The following NFYC variants were observed in gnomAD, a reference collection of about 807,000 sequenced individuals.
NFYC encodes nuclear transcription factor Y subunit gamma.
In NFYC, 25 loss-of-function variants were observed where a neutral mutation model predicts 53.1. The ratio of observed to expected loss-of-function variants is 0.47; its 90% confidence interval spans 0.34 to 0.66. The LOEUF is 0.66. Among genes scored for constraint, NFYC ranks in the 30% least tolerant of loss-of-function variants. NFYC has a pLI of 0.01. For synonymous variants in NFYC, 145 were observed against 152.6 expected (o/e 0.95, Z 0.37); for missense variants, 260 against 422.7 (o/e 0.62, Z 3.38).
chr1:40,753,269 T>C, intron 5 of NFYC, 23 bp downstream of exon 5: 1 of 1,566,426 alleles, frequency 6.4e-7, no homozygotes, highest in East Asian at 2.2e-5. Context: ...GGGATTGCAG[T>C]TGCTGCTGAC....
intron 1 of NFYC, among the ~76,000 whole-genome samples, chr1:40,700,045 A>C (rs1274188082): frequency 1.3e-5 from 2 of 152,192 alleles, no homozygotes; most frequent in African/African-American, 4.8e-5. Context: ...AGTGGAGCCC[A>C]GTTGAGCAGT....
At chr1:40,750,149 T>C (rs1645834102) in intron 4 of NFYC, among the ~76,000 whole-genome samples, 1 of 151,992 alleles carries the variant, frequency 6.6e-6, no homozygotes, top group Non-Finnish European at 1.5e-5. Flanking sequence ...CTTTTTCTTC[T>C]TCTTTTTTTT....
At chr1:40,731,505 G>A (rs1644770016) in intron 1 of NFYC, among the ~76,000 whole-genome samples, 1 of 149,634 alleles carries the variant, frequency 6.7e-6, no homozygotes, top group African/African-American at 2.5e-5. Context: ...CGGGGGCGGG[G>A]GACAGAGTCT....
At position 40,758,245 on chromosome 1, in the gene NFYC, C is replaced by T; in HGVS notation, c.512C>T (p.Thr171Ile). 1 of 1,613,672 alleles carries T rather than the reference C, an allele frequency of 6.2e-7. No homozygotes were observed. The change falls in exon 6 of 10, where the codon ACC becomes ATC. Residue 171 changes from threonine to isoleucine, a missense_variant. Physicochemically the swap from Thr to Ile is moderately conservative, Grantham distance 89. Coordinates refer to ENST00000447388, the MANE Select transcript of NFYC (RefSeq NM_014223.5). ...GGCCAGCAGACCACCAGCTCCACGACCACCATCCAGCCTGGGCAGATCATC... is the reference window on the plus strand; with the variant it reads ...GGCCAGCAGACCACCAGCTCCACGATCACCATCCAGCCTGGGCAGATCATC... Reference protein sequence around the residue: ...QQGQQTTSSTTTIQPGQIIIA... With the variant: ...QQGQQTTSSTITIQPGQIIIA...
chr1:40,706,507 G>A (rs1643698289), intron 1 of NFYC, among the ~76,000 whole-genome samples: 1 of 152,078 alleles, frequency 6.6e-6, no homozygotes, highest in Non-Finnish European at 1.5e-5. Flanking sequence ...CAAATGAGGA[G>A]TTTCTAGAAA....
chr1:40,768,464 G>A, intron 8 of NFYC, among the ~76,000 whole-genome samples: 1 of 152,154 alleles, frequency 6.6e-6, no homozygotes, highest in Admixed American at 6.5e-5. Context: ...AGGCCTGCAG[G>A]GGTTGTTTTT....
chr1:40,770,830 G>A lies in NFYC; in HGVS notation c.*2G>A. ...GCCCCCCAGGTGACCGGCGACTGAG[G>A]GCCTGAGCTGGCAAGGCCAAGGACA... On this transcript the variant is annotated 3_prime_UTR_variant, in exon 10 of 10. Transcript: ENST00000447388. The surrounding 1 kb of genome is among the most constrained non-coding windows in gnomAD (Gnocchi z 5.3). 6.2e-7 allele frequency: 1 copy of A among 1,607,078 alleles called. No homozygotes were observed. The highest frequency in any genetic ancestry group is 8.5e-7 in the Non-Finnish European group (1 of 1,179,932).
At chr1:40,726,655 G>C (rs1408818477) in intron 1 of NFYC, among the ~76,000 whole-genome samples, 1 of 152,128 alleles carries the variant, frequency 6.6e-6, no homozygotes, top group Non-Finnish European at 1.5e-5. Context: ...GGGCTGAAGT[G>C]ATCCTCTTGC....
chr1:40,726,137 G>A (rs1644507982), intron 1 of NFYC, among the ~76,000 whole-genome samples: 1 of 151,488 alleles, frequency 6.6e-6, no homozygotes. Flanking sequence ...TTTTTTTTGA[G>A]ATGGAGTTTC....
intron 1 of NFYC, among the ~76,000 whole-genome samples, chr1:40,714,623 CT>C (rs1012405508): frequency 6.6e-6 from 1 of 151,858 alleles, no homozygotes; most frequent in Non-Finnish European, 1.5e-5. Flanking sequence ...GTTTTCTTTC[CT>C]TTTTTTTGGA....
At chr1:40,742,037 A>G (rs1025034200) in intron 2 of NFYC, among the ~76,000 whole-genome samples, 1 of 151,836 alleles carries the variant, frequency 6.6e-6, no homozygotes, top group African/African-American at 2.4e-5. Flanking sequence ...CCAAGTAGCT[A>G]GGACTCTAGT....
intron 1 of NFYC, among the ~76,000 whole-genome samples, chr1:40,694,331 G>A (rs1009478333): frequency 2.0e-5 from 3 of 152,236 alleles, no homozygotes; most frequent in African/African-American, 7.2e-5. Context: ...AATATTTGCA[G>A]TTCCAATTTT....
At chr1:40,736,685 G>C in intron 1 of NFYC, among the ~76,000 whole-genome samples, 1 of 152,040 alleles carries the variant, frequency 6.6e-6, no homozygotes, top group East Asian at 1.9e-4. Flanking sequence ...AATACAGGTT[G>C]AGTATCCTTA....
intron 1 of NFYC, among the ~76,000 whole-genome samples, chr1:40,693,768 C>A (rs1385350671): frequency 6.6e-6 from 1 of 152,206 alleles, no homozygotes; most frequent in African/African-American, 2.4e-5. Flanking sequence ...ATAAACCTGA[C>A]TAATGAAACT....
intron 1 of NFYC, among the ~76,000 whole-genome samples, chr1:40,738,027 C>G (rs907538405): frequency 6.6e-6 from 1 of 150,614 alleles, no homozygotes. Flanking sequence ...CTCAGCCTCC[C>G]AAGTAGCTGG....
intron 1 of NFYC, among the ~76,000 whole-genome samples, chr1:40,729,668 C>G (rs563194077): frequency 1.3e-5 from 2 of 151,982 alleles, no homozygotes; most frequent in East Asian, 1.9e-4. Context: ...AGCTCTTGGT[C>G]CATCTCAGCT....
At chr1:40,722,752 G>T (rs895530803) in intron 1 of NFYC, among the ~76,000 whole-genome samples, 2 of 152,178 alleles carry the variant, frequency 1.3e-5, no homozygotes, top group Non-Finnish European at 2.9e-5. Flanking sequence ...ATCACAGTTC[G>T]CCAGAGAGCT....
At chr1:40,766,823 C>A in intron 8 of NFYC, 120 bp downstream of exon 8, 1 of 1,480,300 alleles carries the variant, frequency 6.8e-7, no homozygotes, top group Non-Finnish European at 9.3e-7. Flanking sequence ...GAAGCACCAC[C>A]CCCACACCCT....
intron 6 of NFYC, among the ~76,000 whole-genome samples, chr1:40,761,615 C>T (rs997898404): frequency 6.6e-6 from 1 of 152,144 alleles, no homozygotes; most frequent in African/African-American, 2.4e-5. Context: ...ACTCTGTCGT[C>T]TTTCTTTTTG....
Sources: gnomAD v4.1 joint callset for allele counts (sites outside exome capture counted in the v4.1 genomes callset) on GRCh38, gnomAD v4.1.1 for gene constraint, Gnocchi (gnomAD v3.1) non-coding constraint, MANE v1.5 for transcripts, NCBI Gene and HGNC (gene_info 2026-07-23, HGNC 2026-07-21) for gene names.